Variants in SEMA5B observed in about 807,000 individuals in gnomAD.
SEMA5B encodes semaphorin 5B, also known as semaphorin-5B.
A neutral mutation model predicts 135.0 loss-of-function variants in SEMA5B; 66 were observed. The ratio of observed to expected loss-of-function variants is 0.49; its 90% CI spans 0.40 to 0.60. The LOEUF (loss-of-function observed/expected upper bound fraction) is 0.60, where lower values mean the gene tolerates loss of function less well. Ranked by LOEUF, SEMA5B falls within the 20% of genes least tolerant of loss-of-function variation. The pLI is 0.00. For missense variants in SEMA5B, 1,501 were observed against 1,566.3 expected, an observed-to-expected ratio of 0.96 and a Z score of 0.70; for synonymous variants, 690 against 639.5, an observed-to-expected ratio of 1.08 and a Z score of -1.19.
chr3:122,988,193 C>G (rs1941759524), intron 1 of SEMA5B, among the ~76,000 whole-genome samples: 1 of 152,118 alleles, frequency 6.6e-6, no homozygotes, highest in African/African-American at 2.4e-5. Context: ...AAGGAACACA[C>G]AGGGAGAATG....
chr3:122,918,813 A>G (rs534334342), intron 12 of SEMA5B, among the ~76,000 whole-genome samples: 1 of 152,180 alleles, frequency 6.6e-6, no homozygotes, highest in Non-Finnish European at 1.5e-5. Context: ...CTCAAGTGGA[A>G]CCACGTTTGC....
At position 122,953,883 on chromosome 3, in the gene SEMA5B, A is replaced by G. The variant is rs1481391548; in HGVS notation, c.125-5174T>C. 2.0e-4 allele frequency among the ~76,000 whole-genome samples: 30 copies of G among 152,178 alleles called. 1 individual carries two copies. The highest frequency in any genetic ancestry group is 2.0e-3 in the Admixed American group (30 of 15,286). On this transcript the variant is annotated intron_variant, in intron 2 of 22. Transcript: ENST00000357599. ...AGGCCCCAGCAGCCTCATATGTACC[A>G]TGGGGTCCCCATCCCAGCCATAGCT...
intron 3 of SEMA5B, among the ~76,000 whole-genome samples, chr3:122,948,175 A>G (rs1031356270): frequency 3.3e-5 from 5 of 152,146 alleles, no homozygotes; most frequent in Non-Finnish European, 7.4e-5. Flanking sequence ...CTCCTAATGC[A>G]TGAGTCATGC....
chr3:123,009,088 T>G (rs1408727613), intron 1 of SEMA5B, among the ~76,000 whole-genome samples: 1 of 152,184 alleles, frequency 6.6e-6, no homozygotes, highest in Non-Finnish European at 1.5e-5. Context: ...GGTGGACCCG[T>G]GGCAGGGCAA....
intron 12 of SEMA5B, among the ~76,000 whole-genome samples, chr3:122,917,578 A>G (rs893650359): frequency 6.6e-6 from 1 of 152,128 alleles, no homozygotes; most frequent in African/African-American, 2.4e-5. Flanking sequence ...AATGAGGTTA[A>G]TTATACAAAG....
chr3:122,949,564 C>A (rs182856512), intron 2 of SEMA5B, among the ~76,000 whole-genome samples: 1 of 152,342 alleles, frequency 6.6e-6, no homozygotes, highest in East Asian at 1.9e-4. Context: ...CAAAGCAAAC[C>A]ACCTCCTTGC....
chr3:123,013,349 A>T (rs1395764352), intron 1 of SEMA5B, among the ~76,000 whole-genome samples: 1 of 152,198 alleles, frequency 6.6e-6, no homozygotes, highest in East Asian at 1.9e-4. Flanking sequence ...CAAACTGCTG[A>T]GTCCTGGGCT....
At chr3:122,913,806 T>TC in intron 15 of SEMA5B, 52 bp downstream of exon 15, 1 of 1,566,216 alleles carries the variant, frequency 6.4e-7, no homozygotes, top group Non-Finnish European at 8.7e-7. Flanking sequence ...CAGGCCACTT[T>TC]CTGGGGGGCC....
intron 1 of SEMA5B, among the ~76,000 whole-genome samples, chr3:122,967,975 G>T (rs1328559673): frequency 3.9e-5 from 6 of 152,224 alleles, no homozygotes; most frequent in Admixed American, 3.9e-4. Context: ...CCCTCAGCCC[G>T]CCCAAGGACT....
intron 1 of SEMA5B, among the ~76,000 whole-genome samples, chr3:123,004,894 C>T (rs73859409): frequency 0.012 from 1,815 of 152,252 alleles, 38 homozygotes; most frequent in African/African-American, 0.04. Flanking sequence ...TTAAAGTTCC[C>T]CTACTAAATC....
chr3:122,924,847 T>C (rs780140023), intron 9 of SEMA5B, among the ~76,000 whole-genome samples: 4 of 152,192 alleles, frequency 2.6e-5, no homozygotes, highest in Non-Finnish European at 2.9e-5. Flanking sequence ...TCCTCTATAC[T>C]GTTAGAGGCT....
At chr3:122,922,791 C>T (rs2107640562) in intron 10 of SEMA5B, among the ~76,000 whole-genome samples, 1 of 152,326 alleles carries the variant, frequency 6.6e-6, no homozygotes, top group East Asian at 1.9e-4. Context: ...AGGCTCCCCT[C>T]TCCTACCTTG....
At chr3:122,964,148 A>C (rs1940714607) in intron 1 of SEMA5B, among the ~76,000 whole-genome samples, 1 of 152,042 alleles carries the variant, frequency 6.6e-6, no homozygotes, top group Non-Finnish European at 1.5e-5. Context: ...CATGTTCCTC[A>C]TCTCTGTCAT....
intron 1 of SEMA5B, among the ~76,000 whole-genome samples, chr3:122,988,317 C>T (rs1367693362): frequency 1.3e-5 from 2 of 152,178 alleles, no homozygotes; most frequent in African/African-American, 4.8e-5. Flanking sequence ...TGGCACCCAG[C>T]TCTAGCATGA....
intron 1 of SEMA5B, among the ~76,000 whole-genome samples, chr3:123,025,703 C>T (rs565245041): frequency 2.8e-4 from 42 of 152,208 alleles, no homozygotes; most frequent in Non-Finnish European, 5.7e-4. Flanking sequence ...CCCAACACAG[C>T]AAGCCAGAGG....
chr3:122,969,751 G>T (rs1278446114), intron 1 of SEMA5B, among the ~76,000 whole-genome samples: 1 of 152,222 alleles, frequency 6.6e-6, no homozygotes, highest in African/African-American at 2.4e-5. Context: ...GAAAGTCACT[G>T]CTTATTAGTT....
chr3:122,932,414 C>A (rs1939025033), intron 5 of SEMA5B, among the ~76,000 whole-genome samples: 1 of 151,936 alleles, frequency 6.6e-6, no homozygotes, highest in Non-Finnish European at 1.5e-5. Flanking sequence ...CAAAGTGAAA[C>A]ATTTCCCAGG....
chr3:122,989,960 C>T (rs1344747910), intron 1 of SEMA5B, among the ~76,000 whole-genome samples: 1 of 152,116 alleles, frequency 6.6e-6, no homozygotes, highest in Non-Finnish European at 1.5e-5. Context: ...ACTAAAGATC[C>T]CAGGCAGCAC....
chr3:123,021,778 T>C (rs2107833330), intron 1 of SEMA5B, among the ~76,000 whole-genome samples: 1 of 152,348 alleles, frequency 6.6e-6, no homozygotes, highest in East Asian at 1.9e-4. Flanking sequence ...ACACACAGAT[T>C]TGGAATACCT....
Sources: gnomAD v4.1 joint callset for allele counts (sites outside exome capture counted in the v4.1 genomes callset) on GRCh38, gnomAD v4.1.1 for gene constraint, MANE v1.5 for transcripts, NCBI Gene and HGNC (gene_info 2026-07-23, HGNC 2026-07-21) for gene names.